Variants in IPCEF1 observed in about 807,000 individuals in gnomAD.
The protein encoded by IPCEF1 is interaction protein for cytohesin exchange factors 1.
A neutral mutation model predicts 50.9 loss-of-function variants in IPCEF1; 31 were observed. The observed-to-expected ratio is 0.61, with a 90% CI of 0.46 to 0.82. The LOEUF (loss-of-function observed/expected upper bound fraction) is 0.82, where lower values mean the gene tolerates loss of function less well. Ranked by LOEUF, IPCEF1 falls within the 40% of genes least tolerant of loss-of-function variation. IPCEF1 has a pLI of 0.00. For synonymous variants in IPCEF1, 181 were observed against 192.0 expected (o/e 0.94, Z 0.47); for missense variants, 458 against 514.0 (o/e 0.89, Z 1.05).
chr6:154,262,976 A>G (rs1219202113), intron 3 of IPCEF1, among the ~76,000 whole-genome samples: 2 of 151,606 alleles, frequency 1.3e-5, no homozygotes, highest in Non-Finnish European at 2.9e-5. Flanking sequence ...GTGTTTCACC[A>G]TGTTGGCCAA....
At chr6:154,323,925 C>T (rs146412407) in intron 1 of IPCEF1, among the ~76,000 whole-genome samples, 8,959 of 152,252 alleles carry the variant, frequency 0.059, 900 homozygotes, top group African/African-American at 0.2. Context: ...TGCACTCCAG[C>T]CTGGATGACA....
chr6:154,182,041 TTAAAA>T, intron 10 of IPCEF1, among the ~76,000 whole-genome samples: 1 of 152,182 alleles, frequency 6.6e-6, no homozygotes, highest in African/African-American at 2.4e-5. Context: ...ATCCCAGAAC[TTAAAA>T]TTAAATTAAA....
chr6:154,212,366 T>C (rs1465446987), intron 9 of IPCEF1, among the ~76,000 whole-genome samples: 3 of 152,236 alleles, frequency 2.0e-5, no homozygotes, highest in Admixed American at 2.0e-4. Context: ...TCCTTTTTTC[T>C]TTCTGCTCTT....
At chr6:154,262,278 AG>A in intron 3 of IPCEF1, among the ~76,000 whole-genome samples, 1 of 152,372 alleles carries the variant, frequency 6.6e-6, no homozygotes, top group African/African-American at 2.4e-5. Context: ...TTTGTACACA[AG>A]ACCAAGGGAA....
At chr6:154,244,541 G>A (rs116399695) in intron 5 of IPCEF1, among the ~76,000 whole-genome samples, 197 of 152,288 alleles carry the variant, frequency 1.3e-3, no homozygotes, top group African/African-American at 4.4e-3. Flanking sequence ...AGCCAGGGCA[G>A]GAATGCATGA....
chr6:154,181,197 G>T (rs116832458), intron 10 of IPCEF1, among the ~76,000 whole-genome samples: 419 of 152,140 alleles, frequency 2.8e-3, no homozygotes, highest in African/African-American at 9.7e-3. Context: ...AAAAAATCTG[G>T]ATAACTCATT....
At chr6:154,237,938 G>T (rs1780268540) in intron 5 of IPCEF1, among the ~76,000 whole-genome samples, 1 of 152,062 alleles carries the variant, frequency 6.6e-6, no homozygotes, top group African/African-American at 2.4e-5. Flanking sequence ...AAGTTAGTGT[G>T]TGTGCACTTA....
At chr6:154,316,439 A>T (rs1317476645) in intron 1 of IPCEF1, among the ~76,000 whole-genome samples, 4 of 152,172 alleles carry the variant, frequency 2.6e-5, no homozygotes, top group African/African-American at 9.7e-5. Context: ...TTCTGTATTT[A>T]AAAAAAGAAG....
chr6:154,325,725 A>G (rs574687775), intron 1 of IPCEF1, among the ~76,000 whole-genome samples: 1 of 152,292 alleles, frequency 6.6e-6, no homozygotes, highest in East Asian at 1.9e-4. Context: ...ACTGCAACTT[A>G]ATTAATGCTT....
At chr6:154,320,030 C>G (rs1053878156) in intron 1 of IPCEF1, among the ~76,000 whole-genome samples, 1 of 152,160 alleles carries the variant, frequency 6.6e-6, no homozygotes, top group African/African-American at 2.4e-5. Context: ...ATATTCCCTT[C>G]CGAGCACTAA....
intron 1 of IPCEF1, among the ~76,000 whole-genome samples, chr6:154,348,040 C>T (rs546815493): frequency 6.6e-6 from 1 of 152,172 alleles, no homozygotes; most frequent in African/African-American, 2.4e-5. Context: ...CTTCATTGCT[C>T]AGCCCACTTA....
At chr6:154,283,559 C>T (rs548787041) in intron 2 of IPCEF1, among the ~76,000 whole-genome samples, 12 of 150,580 alleles carry the variant, frequency 8.0e-5, no homozygotes, top group African/African-American at 2.5e-4. Flanking sequence ...GATCGCGCCA[C>T]TGCACTCCAG....
chr6:154,320,235 C>T (rs1443394270), intron 1 of IPCEF1, among the ~76,000 whole-genome samples: 1 of 152,086 alleles, frequency 6.6e-6, no homozygotes, highest in Non-Finnish European at 1.5e-5. Context: ...ACCAAGGAAG[C>T]AAAAATAAAA....
At chr6:154,177,014 C>T (rs1800390970) in intron 10 of IPCEF1, among the ~76,000 whole-genome samples, 1 of 152,080 alleles carries the variant, frequency 6.6e-6, no homozygotes, top group East Asian at 1.9e-4. Context: ...ATCTGACAAA[C>T]CTGACAAAAA....
At chr6:154,328,816 G>T (rs139047244) in intron 1 of IPCEF1, among the ~76,000 whole-genome samples, 2 of 152,058 alleles carry the variant, frequency 1.3e-5, no homozygotes, top group South Asian at 4.1e-4. Flanking sequence ...CAGGTTCCCG[G>T]TCTCACTTTA....
chr6:154,275,115 T>TCA (rs1301553515), intron 2 of IPCEF1, among the ~76,000 whole-genome samples: 1 of 152,164 alleles, frequency 6.6e-6, no homozygotes, highest in Non-Finnish European at 1.5e-5. Context: ...AAACACACCA[T>TCA]CACACCTGCC....
intron 1 of IPCEF1, among the ~76,000 whole-genome samples, chr6:154,301,713 T>C (rs1230125367): frequency 2.6e-5 from 4 of 152,290 alleles, no homozygotes; most frequent in African/African-American, 9.6e-5. Context: ...ACGTGATATG[T>C]GCATTTACAG....
intron 10 of IPCEF1, among the ~76,000 whole-genome samples, chr6:154,197,738 C>A (rs1026859227): frequency 5.9e-5 from 9 of 152,168 alleles, no homozygotes; most frequent in African/African-American, 9.7e-5. Flanking sequence ...TAAAAGAAAA[C>A]CCTCAACCTC....
chr6:154,255,095 A>G (rs553214429), intron 3 of IPCEF1, among the ~76,000 whole-genome samples: 7 of 152,204 alleles, frequency 4.6e-5, no homozygotes, highest in African/African-American at 1.4e-4. Context: ...TAAATTTATT[A>G]TGATTTAAGT....
Sources: gnomAD v4.1 joint callset for allele counts (sites outside exome capture counted in the v4.1 genomes callset) on GRCh38, gnomAD v4.1.1 for gene constraint, MANE v1.5 for transcripts, NCBI Gene and HGNC (gene_info 2026-07-23, HGNC 2026-07-21) for gene names.